Variants in RTN4 observed in about 807,000 individuals in gnomAD.
RTN4 encodes reticulon-4.
In RTN4, 32 loss-of-function variants were observed where a neutral mutation model predicts 90.4. The ratio of observed to expected loss-of-function variants is 0.35; its 90% confidence interval spans 0.27 to 0.48. The LOEUF is 0.48. Among genes scored for constraint, RTN4 ranks in the 20% least tolerant of loss-of-function variants. RTN4 has a pLI of 0.99. For missense variants in RTN4, 1,706 were observed against 1,430.2 expected, an observed-to-expected ratio of 1.19 and a Z score of -3.11; for synonymous variants, 629 against 552.5, an observed-to-expected ratio of 1.14 and a Z score of -1.94.
the RTN4 span, among the ~76,000 whole-genome samples, chr2:55,118,318 A>G: frequency 1.3e-5 from 2 of 152,168 alleles, no homozygotes; most frequent in African/African-American, 4.8e-5. Context: ...TTTAAAAATT[A>G]GCCAGGAGAA....
chr2:54,977,470 G>A (rs933509098), intron 5 of RTN4, among the ~76,000 whole-genome samples: 3 of 149,198 alleles, frequency 2.0e-5, no homozygotes, highest in Non-Finnish European at 4.4e-5. Flanking sequence ...TTATAGTTGC[G>A]CCTCAATTAC....
intron 3 of RTN4, among the ~76,000 whole-genome samples, chr2:54,988,428 A>G (rs189745001): frequency 6.6e-6 from 1 of 152,342 alleles, no homozygotes; most frequent in Non-Finnish European, 1.5e-5. Context: ...AAAATGAGAT[A>G]CTTCAGTGAT....
chr2:55,021,676 A>G (rs938417165), intron 3 of RTN4, among the ~76,000 whole-genome samples: 2 of 152,182 alleles, frequency 1.3e-5, no homozygotes, highest in African/African-American at 4.8e-5. Context: ...CAAGAAAATT[A>G]TTAAGTTGCA....
intron 2 of RTN4, among the ~76,000 whole-genome samples, chr2:55,057,909 G>T (rs1668218628): frequency 6.6e-6 from 1 of 152,150 alleles, no homozygotes; most frequent in Non-Finnish European, 1.5e-5. Flanking sequence ...CTTGAGCCAA[G>T]GAGGTCAAGG....
chr2:55,131,682 G>A, the RTN4 span, among the ~76,000 whole-genome samples: 1 of 151,980 alleles, frequency 6.6e-6, no homozygotes, highest in Non-Finnish European at 1.5e-5. Context: ...TCAGGAGTTC[G>A]AGACCAGTCT....
chr2:55,092,775 T>G (rs988420370), intron 1 of RTN4, among the ~76,000 whole-genome samples: 1 of 152,162 alleles, frequency 6.6e-6, no homozygotes, highest in Non-Finnish European at 1.5e-5. Flanking sequence ...CTTTTCCAAT[T>G]TCAGTTTGGG....
chr2:54,973,315 TG>T, intron 8 of RTN4, 117 bp from the exon 9 acceptor site: 1 of 1,008,948 alleles, frequency 9.9e-7, no homozygotes, highest in Non-Finnish European at 1.5e-6. Flanking sequence ...TCCTTAAAGC[TG>T]CCTAATTCTA....
chr2:55,100,145 A>C (rs994671375), intron 1 of RTN4, among the ~76,000 whole-genome samples: 2 of 152,146 alleles, frequency 1.3e-5, no homozygotes, highest in Middle Eastern at 3.2e-3. Flanking sequence ...GGCATTCATA[A>C]GGTCACCAAG....
At chr2:55,108,837 A>T (rs2105065041) in intron 1 of RTN4, among the ~76,000 whole-genome samples, 1 of 152,236 alleles carries the variant, frequency 6.6e-6, no homozygotes, top group East Asian at 1.9e-4. Flanking sequence ...AATCCCAAAA[A>T]ATAGTAAGAC....
At chr2:55,134,193 G>C in the RTN4 span, among the ~76,000 whole-genome samples, 1 of 152,040 alleles carries the variant, frequency 6.6e-6, no homozygotes, top group African/African-American at 2.4e-5. Context: ...AGGACAACCA[G>C]AGATTGCTTT....
intron 5 of RTN4, among the ~76,000 whole-genome samples, chr2:54,979,209 T>C (rs935506103): frequency 3.6e-5 from 5 of 140,630 alleles, no homozygotes; most frequent in East Asian, 4.1e-4. Context: ...TGGGCGACCA[T>C]GGCTGGCTGA....
chr2:55,041,243 A>C (rs1484607865), intron 1 of RTN4, among the ~76,000 whole-genome samples: 1 of 152,138 alleles, frequency 6.6e-6, no homozygotes. Flanking sequence ...ATTATATGCT[A>C]AATTTTTTTT....
At chr2:55,076,699 C>A (rs1366970142) in intron 2 of RTN4, among the ~76,000 whole-genome samples, 1 of 152,018 alleles carries the variant, frequency 6.6e-6, no homozygotes, top group Non-Finnish European at 1.5e-5. Flanking sequence ...TGGTCCCACC[C>A]AAATTTCATC....
chr2:55,052,819 C>T (rs1167405578), upstream of RTN4, among the ~76,000 whole-genome samples: 3 of 152,184 alleles, frequency 2.0e-5, no homozygotes, highest in Admixed American at 6.5e-5. Context: ...CAGTCTTCCC[C>T]GCATGCTTTT....
chr2:54,982,965 A>G (rs1289723811), intron 4 of RTN4, among the ~76,000 whole-genome samples: 1 of 152,038 alleles, frequency 6.6e-6, no homozygotes, highest in East Asian at 1.9e-4. Flanking sequence ...TAGTTTCCTC[A>G]TTTATAAAGT....
chr2:55,059,876 C>T (rs1426092941), intron 2 of RTN4, among the ~76,000 whole-genome samples: 2 of 151,930 alleles, frequency 1.3e-5, no homozygotes, highest in African/African-American at 4.8e-5. Context: ...TGGGGTTTCA[C>T]CATGTTGCCC....
chr2:55,135,618 C>A, the RTN4 span, among the ~76,000 whole-genome samples: 3 of 152,180 alleles, frequency 2.0e-5, no homozygotes, highest in Admixed American at 1.3e-4. Flanking sequence ...CAATAAACTG[C>A]ACAACTTGGT....
intron 1 of RTN4, among the ~76,000 whole-genome samples, chr2:55,093,391 TATTTA>T (rs1223260543): frequency 1.0e-5 from 1 of 97,438 alleles, no homozygotes; most frequent in Non-Finnish European, 2.2e-5. Flanking sequence ...ATTCTATATA[TATTTA>T]ATTTATTTTA....
chr2:55,012,894 A>AC (rs1476217871), intron 3 of RTN4, among the ~76,000 whole-genome samples: 2 of 152,140 alleles, frequency 1.3e-5, no homozygotes, highest in Non-Finnish European at 2.9e-5. Flanking sequence ...TCCACAATGA[A>AC]CCCCAACTTA....
Sources: gnomAD v4.1 joint callset for allele counts (sites outside exome capture counted in the v4.1 genomes callset) on GRCh38, gnomAD v4.1.1 for gene constraint, MANE v1.5 for transcripts, NCBI Gene and HGNC (gene_info 2026-07-23, HGNC 2026-07-21) for gene names.